The following DSG3 variants were observed in gnomAD, a reference collection of about 807,000 sequenced individuals.
DSG3 encodes desmoglein-3.
In DSG3, 63 loss-of-function variants were observed where a neutral mutation model predicts 85.9. The ratio of observed to expected loss-of-function variants is 0.73; its 90% CI spans 0.60 to 0.90. DSG3 has a LOEUF of 0.90. Among genes scored for constraint, DSG3 ranks in the 40% least tolerant of loss-of-function variants. The probability of loss-of-function intolerance (pLI) is 0.00; values close to 1 mark genes in which losing one functional copy is unlikely to be tolerated. For synonymous variants in DSG3, 447 were observed against 441.9 expected (o/e 1.01, Z -0.14); for missense variants, 1,220 against 1,219.9 (o/e 1.00, Z 0.00).
chr18:31,472,183 T>G, intron 12 of DSG3, 101 bp from the exon 13 acceptor site: 1 of 1,542,156 alleles, frequency 6.5e-7, no homozygotes, highest in East Asian at 2.3e-5. Context: ...TACAAATATT[T>G]AAGATACTGT....
intron 14 of DSG3, among the ~76,000 whole-genome samples, chr18:31,473,332 G>C (rs528633653): frequency 6.6e-6 from 1 of 152,254 alleles, no homozygotes; most frequent in East Asian, 1.9e-4. Flanking sequence ...TGTCATACAG[G>C]TCATACAGGT....
chr18:31,475,854 G>T lies in DSG3; in HGVS notation c.2594G>T (p.Gly865Val). ...KLAEISLGVD[G>V]EGKEVQPPSK... ...GCAGAGATAAGCCTTGGTGTTGATG[G>T]TGAAGGCAAAGAAGTTCAGCCACCC... The change falls in exon 16 of 16, where the codon GGT becomes GTT. Residue 865 changes from glycine (G) to valine (V), a missense_variant. Coordinates refer to ENST00000257189, the MANE Select transcript of DSG3 (RefSeq NM_001944.3). 1 of 1,614,168 alleles carries T rather than the reference G, an allele frequency of 6.2e-7. No homozygotes were observed. Among genetic ancestry groups the T allele is most frequent in the Non-Finnish European group, 8.5e-7 (1 of 1,180,032 alleles).
intron 1 of DSG3, among the ~76,000 whole-genome samples, chr18:31,454,681 T>C (rs1192412474): frequency 6.6e-6 from 1 of 151,816 alleles, no homozygotes. Context: ...TTGTTTTTTT[T>C]TTTTTTCTCT....
At chr18:31,450,258 A>G (rs767302661) in intron 1 of DSG3, among the ~76,000 whole-genome samples, 1 of 152,152 alleles carries the variant, frequency 6.6e-6, no homozygotes, top group African/African-American at 2.4e-5. Flanking sequence ...GGCCAAAAGG[A>G]GATCTCTTGG....
At position 31,459,853 on chromosome 18, in the gene DSG3, G is replaced by T; in HGVS notation, c.526G>T (p.Val176Leu). Residue 176 changes from valine to leucine, a missense_variant, in exon 6 of 16, where the codon GTG (valine) becomes TTG (leucine). Physicochemically the swap from Val to Leu is conservative, Grantham distance 32. Transcript: ENST00000257189. ...TTTTCCTGTATTCCTAGACTCACTG[G>T]TGATGATACTAAATGCCACAGATGC... is the stretch of plus-strand genomic sequence containing the variant. ...IEENSASNSL[V>L]MILNATDADE... The T allele has an allele frequency of 6.2e-7, 1 of 1,613,348 alleles. No homozygotes were observed. Among genetic ancestry groups the T allele is most frequent in the South Asian group, 1.1e-5 (1 of 90,950 alleles).
At chr18:31,454,678 T>G (rs1307611765) in intron 1 of DSG3, among the ~76,000 whole-genome samples, 3 of 152,022 alleles carry the variant, frequency 2.0e-5, no homozygotes, top group South Asian at 2.1e-4. Context: ...AGTTTGTTTT[T>G]TTTTTTTTTC....
chr18:31,468,128 C>T (rs868419371), intron 11 of DSG3, among the ~76,000 whole-genome samples: 1 of 152,116 alleles, frequency 6.6e-6, no homozygotes, highest in Non-Finnish European at 1.5e-5. Context: ...CAAGAACTGT[C>T]GTGGGATCCA....
rs1326092881 is a variant in DSG3, at chr18:31,458,582, G to C, written c.354G>C (p.Glu118Asp). 2.5e-6 allele frequency: 4 copies of C among 1,613,090 alleles called. No individual in the cohort carries two copies. The highest frequency in any genetic ancestry group is 1.7e-5 in the Admixed American group (1 of 59,904). ...DINITAIVDR[E>D]ETPSFLITCR... Reference sequence around the variant, plus strand: ...ACATAACAGCTATAGTCGACCGGGAGGAAACTCCAAGCTTCCTGGTAAGTT... The same window carrying C: ...ACATAACAGCTATAGTCGACCGGGACGAAACTCCAAGCTTCCTGGTAAGTT... Residue 118 changes from glutamate (E) to aspartate (D), a missense_variant, in exon 4 of 16, where the codon GAG (glutamate) becomes GAC (aspartate). Transcript: ENST00000257189.
chr18:31,458,626 C>T, intron 4 of DSG3, 26 bp downstream of exon 4: 1 of 1,601,420 alleles, frequency 6.2e-7, no homozygotes, highest in South Asian at 1.1e-5. Context: ...CAACATTGGG[C>T]TACCCTTCTC....
chr18:31,470,298 T>C (rs1228898711), intron 12 of DSG3, among the ~76,000 whole-genome samples: 6 of 152,156 alleles, frequency 3.9e-5, no homozygotes, highest in Non-Finnish European at 7.4e-5. Flanking sequence ...TGTAGACAAC[T>C]ACACATACAA....
At chr18:31,449,264 A>T (rs2072696931) in intron 1 of DSG3, among the ~76,000 whole-genome samples, 1 of 152,100 alleles carries the variant, frequency 6.6e-6, no homozygotes, top group Admixed American at 6.5e-5. Flanking sequence ...TGAAAGGAGG[A>T]TGTTGTTAAA....
At chr18:31,466,108 C>T (rs2072816876) in intron 10 of DSG3, among the ~76,000 whole-genome samples, 1 of 151,726 alleles carries the variant, frequency 6.6e-6, no homozygotes. Flanking sequence ...CTTTAATAAA[C>T]TTTAACATTT....
chr18:31,469,515 T>C (rs1003854369), intron 12 of DSG3, among the ~76,000 whole-genome samples, 166 bp downstream of exon 12: 2 of 152,226 alleles, frequency 1.3e-5, no homozygotes, highest in Non-Finnish European at 2.9e-5. Context: ...ATGTGTAACA[T>C]GTCGCTTGCT....
Position 31,472,723 on chromosome 18 carries a change from A to C in DSG3, c.2038-2A>C. The stretch of plus-strand genomic sequence containing the variant: ...TGAATTTATTTTTCACATGGTTTGC[A>C]GGAAATCACAAATATTTGTGTGCCT... On this transcript the variant is annotated splice_acceptor_variant, in intron 13 of 15. Transcript: ENST00000257189. LOFTEE classifies it high-confidence loss of function. 5.6e-6 allele frequency: 9 copies of C among 1,613,858 alleles called. No homozygotes were observed. The highest frequency in any genetic ancestry group is 7.6e-6 in the Non-Finnish European group (9 of 1,179,842).
chr18:31,474,129 A>G lies in DSG3; in HGVS notation c.2110A>G (p.Thr704Ala), dbSNP rs2072871568. ...TTCTCCCTTGTTTTTAGAAGTTTGT[A>G]CAAATACGTATGCCAGAGGCACAGC... ...ADFMESSEVC[T>A]NTYARGTAVE... The change falls in exon 15 of 16, where the codon ACA becomes GCA. Residue 704 changes from threonine (T) to alanine (A), a missense_variant. Coordinates refer to ENST00000257189, the MANE Select transcript of DSG3 (RefSeq NM_001944.3). 6.2e-7 allele frequency: 1 copy of G among 1,611,944 alleles called. No individual in the cohort carries two copies.
At chr18:31,475,600 G>A in intron 15 of DSG3, 46 bp from the exon 16 acceptor site, 1 of 1,585,992 alleles carries the variant, frequency 6.3e-7, no homozygotes, top group Non-Finnish European at 8.5e-7. Flanking sequence ...TTGTTCAACT[G>A]ACTCTTTCTT....
chr18:31,473,701 A>T (rs73414233), intron 14 of DSG3, among the ~76,000 whole-genome samples: 2,456 of 152,328 alleles, frequency 0.016, 65 homozygotes, highest in African/African-American at 0.056. Flanking sequence ...GTACCAAGAC[A>T]TGCTAATTTG....
chr18:31,452,509 C>A (rs1336892357), intron 1 of DSG3, among the ~76,000 whole-genome samples: 1 of 114,654 alleles, frequency 8.7e-6, no homozygotes, highest in Non-Finnish European at 1.6e-5. Flanking sequence ...CAGAGCGAGA[C>A]TCCGTCTCAA....
rs750254933 is a variant in DSG3, at chr18:31,476,275, A to T, written c.*15A>T. 6.3e-7 allele frequency: 1 copy of T among 1,589,026 alleles called. No homozygotes were observed. Among genetic ancestry groups the T allele is most frequent in the South Asian group, 1.2e-5 (1 of 86,600 alleles). ...GTCTAATATGACCAGAATGAGCTGG[A>T]ATACCACACTGACCAAATCTGGATC... On this transcript the variant is annotated 3_prime_UTR_variant, in exon 16 of 16. Coordinates refer to ENST00000257189, the MANE Select transcript of DSG3 (RefSeq NM_001944.3).
Sources: gnomAD v4.1 joint callset for allele counts (sites outside exome capture counted in the v4.1 genomes callset) on GRCh38, gnomAD v4.1.1 for gene constraint, MANE v1.5 for transcripts, NCBI Gene and HGNC (gene_info 2026-07-23, HGNC 2026-07-21) for gene names.